Variants in PODNL1 observed in about 807,000 individuals in gnomAD.
The protein encoded by PODNL1 is podocan-like protein 1.
Under a neutral mutation model 45.1 loss-of-function variants are expected in PODNL1, and 50 were observed. That is an observed-to-expected ratio of 1.11 (90% confidence interval 0.88 to 1.40). The LOEUF (loss-of-function observed/expected upper bound fraction) is 1.40. Among genes scored for constraint, PODNL1 ranks in the 40% most tolerant of loss-of-function variants. PODNL1 has a pLI of 0.00. For synonymous variants in PODNL1, 406 were observed against 372.5 expected (o/e 1.09, Z -1.04); for missense variants, 788 against 793.3 (o/e 0.99, Z 0.08).
At chr19:13,952,661 G>A (rs1973108438) in intron 1 of PODNL1, 1 of 1,288,152 alleles carries the variant, frequency 7.8e-7, no homozygotes, top group Admixed American at 4.0e-5. Context: ...CCTGGAGCCG[G>A]AGTGGGGAGC....
chr19:13,931,447 C>CG lies in PODNL1; in HGVS notation c.*289_*290insC. On this transcript the variant is annotated 3_prime_UTR_variant, in exon 10 of 10. Transcript: ENST00000588872. Reference sequence around the variant, plus strand: ...GGGAGGAGTCCGTGGACAGAGCCCCCAAAGGGTGCCTGGTCCGTGCTGAGT... The same window carrying CG: ...GGGAGGAGTCCGTGGACAGAGCCCCCGAAAGGGTGCCTGGTCCGTGCTGAGT... 3.0e-6 allele frequency: 1 copy of CG among 333,512 alleles called. No homozygotes were observed. The highest frequency in any genetic ancestry group is 5.4e-6 in the Non-Finnish European group (1 of 185,140). The allele number at this position is 333,512 out of a possible 1,614,324, so 20.7% of individuals were successfully genotyped here. A position where few individuals can be genotyped will look rare whatever the true frequency, so the allele number is the denominator to read the frequency against.
At chr19:13,938,029 G>T in intron 1 of PODNL1, 23 bp from the exon 2 acceptor site, 1 of 1,480,502 alleles carries the variant, frequency 6.8e-7, no homozygotes, top group Non-Finnish European at 9.1e-7. Flanking sequence ...GAGGGTCAGC[G>T]TGTCTCCAGG....
intron 1 of PODNL1, among the ~76,000 whole-genome samples, chr19:13,948,601 C>T (rs1172884892): frequency 1.3e-5 from 2 of 150,912 alleles, no homozygotes; most frequent in African/African-American, 4.9e-5. Context: ...CCCCCATCCT[C>T]ATCCCCCAAG....
chr19:13,953,056 C>T lies in PODNL1; in HGVS notation c.18+63G>A, dbSNP rs761656935. The T allele has an allele frequency of 1.9e-6, 3 of 1,542,882 alleles. No individual in the cohort carries two copies. The South Asian group carries it at 3.6e-5, about 18-fold the overall frequency. On this transcript the variant is annotated intron_variant, in intron 1 of 7. Coordinates refer to the PODNL1 transcript ENST00000538371. Reference sequence around the variant, plus strand: ...GCCCCTGCCGCTGGCTTTGGGCTTCCTCCGCCTGATGTTCCTCTCCCTGCC... The same window carrying T: ...GCCCCTGCCGCTGGCTTTGGGCTTCTTCCGCCTGATGTTCCTCTCCCTGCC...
chr19:13,937,911 C>A lies in PODNL1; in HGVS notation c.99G>T (p.Gln33His), dbSNP rs1972484636. The A allele has an allele frequency of 9.6e-6, 15 of 1,561,164 alleles. No homozygotes were observed. Among genetic ancestry groups the A allele is most frequent in the Non-Finnish European group, 1.2e-5 (14 of 1,152,906 alleles). ...GCAGGGGACAGGCCCGGGGCAGGGG[C>A]TGCAAGCTCTCCCCCAGGTGGGGGA... is the stretch of plus-strand genomic sequence containing the variant. ...AAFPHLGESL[Q>H]PLPRACPLRC... is the part of the protein sequence containing the mutation. Residue 33 changes from glutamine (Q) to histidine (H), a missense_variant, in exon 2 of 10, where the codon CAG (glutamine) becomes CAT (histidine). Physicochemically the swap from Gln to His is conservative, Grantham distance 24. Around this residue, in one of 3 missense-constraint regions of PODNL1, gnomAD observed 762 missense variants for 750.9 expected, o/e 1.01. Transcript: ENST00000588872.
upstream of PODNL1, among the ~76,000 whole-genome samples, chr19:13,943,473 T>C (rs1599446544): frequency 6.6e-6 from 1 of 151,772 alleles, no homozygotes; most frequent in East Asian, 1.9e-4. Context: ...TTTATTTATT[T>C]ATTTTTGAGA....
upstream of PODNL1, among the ~76,000 whole-genome samples, chr19:13,938,986 G>T (rs1972556439): frequency 6.6e-6 from 1 of 152,112 alleles, no homozygotes; most frequent in African/African-American, 2.4e-5. Context: ...AACAGTGCCT[G>T]GCATATCCCA....
At chr19:13,934,498 AGTGTGTGTGT>A (rs767618376) in intron 5 of PODNL1, 88 bp from the exon 6 acceptor site, 8 of 980,228 alleles carry the variant, frequency 8.2e-6, no homozygotes, top group African/African-American at 1.7e-5. Context: ...GGTCGCCTTC[AGTGTGTGTGT>A]GTGTGTGTGT....
intron 1 of PODNL1, among the ~76,000 whole-genome samples, chr19:13,947,715 T>C (rs1972869766): frequency 6.6e-6 from 1 of 152,152 alleles, no homozygotes; most frequent in African/African-American, 2.4e-5. Flanking sequence ...TATCAAAAAA[T>C]GGCACTAACA....
At chr19:13,937,701 T>C in intron 2 of PODNL1, 84 bp downstream of exon 2, 1 of 1,295,980 alleles carries the variant, frequency 7.7e-7, no homozygotes, top group South Asian at 1.4e-5. Flanking sequence ...CCCACCACGC[T>C]CCTCAGCTCT....
chr19:13,944,115 A>C (rs1046027205), intron 1 of PODNL1, among the ~76,000 whole-genome samples: 1 of 151,964 alleles, frequency 6.6e-6, no homozygotes, highest in Non-Finnish European at 1.5e-5. Context: ...TTGCCACTGG[A>C]TATCCTTGTA....
At chr19:13,952,667 G>A (rs772355191) in intron 1 of PODNL1, 1 of 1,294,092 alleles carries the variant, frequency 7.7e-7, no homozygotes, top group Non-Finnish European at 9.8e-7. Context: ...GCCGGAGTGG[G>A]GAGCGCGCCG....
chr19:13,947,853 T>G (rs1972872920), intron 1 of PODNL1, among the ~76,000 whole-genome samples: 1 of 152,152 alleles, frequency 6.6e-6, no homozygotes, highest in African/African-American at 2.4e-5. Context: ...TCCATTTTCT[T>G]TCTTTATTTT....
At chr19:13,951,926 C>A (rs1230385568) in intron 1 of PODNL1, among the ~76,000 whole-genome samples, 3 of 152,228 alleles carry the variant, frequency 2.0e-5, no homozygotes, top group Non-Finnish European at 4.4e-5. Context: ...ACATGTGGAG[C>A]GATCCATGAT....
rs577416699 is a variant in PODNL1 at position 13,933,671 on chromosome 19, C to T, written c.767+207G>A. ...GCTATGGGGGTGACCAGGGTAGAGC[C>T]GAGATGGAAAGGCATGTGAGACTTA... On this transcript the variant is annotated intron_variant, in intron 7 of 9. Transcript: ENST00000588872. This position sits in a 1 kb window ranked among gnomAD's most constrained non-coding sequence, Gnocchi z 5.2. 4.4e-4 allele frequency among the ~76,000 whole-genome samples: 67 copies of T among 152,116 alleles called. No homozygotes were observed. The highest frequency in any genetic ancestry group is 9.0e-4 in the Non-Finnish European group (61 of 67,992).
At position 13,934,000 on chromosome 19, in the gene PODNL1, A is replaced by G; in HGVS notation, c.652-7T>C. ...CCTTGGAGATGAGATTGTTCTGGAG[A>G]AGGAAGAAGAGAATGAGACTTGAGT... On this transcript the variant is annotated splice_region_variant and splice_polypyrimidine_tract_variant and intron_variant, in intron 6 of 9. Transcript: ENST00000588872. The surrounding 1 kb of genome is among the most constrained non-coding windows in gnomAD (Gnocchi z 5.2). The G allele has an allele frequency of 6.3e-7, 1 of 1,593,248 alleles. No individual in the cohort carries two copies. The highest frequency in any genetic ancestry group is 8.6e-7 in the Non-Finnish European group (1 of 1,169,556).
chr19:13,932,702 G>T (rs888817551), intron 8 of PODNL1, 96 bp downstream of exon 8: 1 of 1,603,390 alleles, frequency 6.2e-7, no homozygotes, highest in Non-Finnish European at 8.5e-7. Flanking sequence ...TGTTCTGATT[G>T]CTTTACCAGC....
intron 1 of PODNL1, among the ~76,000 whole-genome samples, chr19:13,946,306 G>A (rs550739226): frequency 2.1e-4 from 32 of 151,888 alleles, no homozygotes; most frequent in African/African-American, 6.0e-4. Flanking sequence ...GTGGGTACCC[G>A]TAATCCCAGC....
chr19:13,932,902 G>T lies in PODNL1; in HGVS notation c.1321C>A (p.Pro441Thr). The T allele has an allele frequency of 2.5e-6, 4 of 1,593,790 alleles. No homozygotes were observed. The highest frequency in any genetic ancestry group is 3.4e-6 in the Non-Finnish European group (4 of 1,171,470). Residue 441 changes from proline (P) to threonine (T), a missense_variant, in exon 8 of 10, where the codon CCT (proline) becomes ACT (threonine). Coordinates refer to ENST00000588872, the MANE Select transcript of PODNL1 (RefSeq NM_001370095.3). ...CGCAGTTGGTCCAGGCCGGCCAGAG[G>T]CTCGGGCTCGAGCATCCGCAGCTGG... ...RNQLRMLEPE[P>T]LAGLDQLREL...
Sources: allele counts gnomAD v4.1 joint callset (sites outside exome capture counted in the v4.1 genomes callset), GRCh38; gene constraint gnomAD v4.1.1; regional missense constraint gnomAD v4.1.1; non-coding constraint Gnocchi (gnomAD v3.1); transcripts MANE v1.5; gene names NCBI Gene and HGNC (gene_info 2026-07-23, HGNC 2026-07-21).